SPAG1: variants seen among roughly 807,000 people sequenced by gnomAD.
SPAG1 encodes the protein sperm associated antigen 1, also known as sperm-associated antigen 1.
In SPAG1, 69 loss-of-function variants were observed where a neutral mutation model predicts 100.5. That is an observed-to-expected ratio of 0.69 (90% CI 0.57 to 0.84). SPAG1 has a LOEUF of 0.84. Ranked by LOEUF, SPAG1 falls within the 40% of genes least tolerant of loss-of-function variation. SPAG1 has a pLI of 0.00. For synonymous variants in SPAG1, 336 were observed against 411.6 expected, an observed-to-expected ratio of 0.82 and a Z score of 2.22; for missense variants, 955 against 1,133.1, an observed-to-expected ratio of 0.84 and a Z score of 2.26.
chr8:100,234,983 T>C (rs989784208), intron 16 of SPAG1, among the ~76,000 whole-genome samples: 1 of 152,154 alleles, frequency 6.6e-6, no homozygotes, highest in Non-Finnish European at 1.5e-5. Context: ...AGCAGGTACC[T>C]GAAGGAAAGT....
intron 8 of SPAG1, among the ~76,000 whole-genome samples, chr8:100,189,230 C>T (rs1300147059): frequency 6.6e-6 from 1 of 151,136 alleles, no homozygotes; most frequent in Non-Finnish European, 1.5e-5. Flanking sequence ...AATCCCAGCA[C>T]TTTGGGAGGC....
chr8:100,192,888 T>G (rs542949754), intron 9 of SPAG1, among the ~76,000 whole-genome samples: 16 of 152,226 alleles, frequency 1.1e-4, no homozygotes, highest in African/African-American at 3.6e-4. Context: ...CCTCCCAAAG[T>G]GCTAGGATTA....
chr8:100,188,643 G>C (rs1384403898), intron 8 of SPAG1, among the ~76,000 whole-genome samples: 1 of 152,082 alleles, frequency 6.6e-6, no homozygotes, highest in Non-Finnish European at 1.5e-5. Flanking sequence ...CTCCTTTTCT[G>C]TTATCAAGAA....
chr8:100,213,402 C>T lies in SPAG1; in HGVS notation c.1409C>T (p.Ala470Val), dbSNP rs1586497150. The stretch of plus-strand genomic sequence containing the variant: ...GCCGAGGCGGCCGGCAAGTACTCGG[C>T]GGCAATCGCGCTCCTGGAGCCAGCA... Reference protein sequence around the residue: ...QFAEAAGKYSAAIALLEPAGS... With the variant: ...QFAEAAGKYSVAIALLEPAGS... Residue 470 changes from alanine to valine, a missense_variant, in exon 11 of 19, where the codon GCG becomes GTG. Physicochemically the swap from Ala to Val is moderately conservative, Grantham distance 64 (BLOSUM62 0). Transcript: ENST00000388798. 1.4e-6 allele frequency: 2 copies of T among 1,439,046 alleles called. No individual in the cohort carries two copies. The highest frequency in any genetic ancestry group is 9.1e-7 in the Non-Finnish European group (1 of 1,095,274). The allele number at this position is 1,439,046 out of a possible 1,614,324, so 89.1% of individuals were successfully genotyped here. A position where few individuals can be genotyped will look rare whatever the true frequency, so the allele number is the denominator to read the frequency against.
At chr8:100,203,779 T>C (rs1219123200) in intron 10 of SPAG1, among the ~76,000 whole-genome samples, 2 of 152,188 alleles carry the variant, frequency 1.3e-5, no homozygotes, top group East Asian at 1.9e-4. Flanking sequence ...GCCTCAAATC[T>C]GCCAAGATTG....
rs1817811143 is a variant in SPAG1 at position 100,213,231 on chromosome 8, G to T, written c.1238G>T (p.Gly413Val). The change falls in exon 11 of 19, where the codon GGC (glycine) becomes GTC (valine). Residue 413 changes from glycine (G) to valine (V), a missense_variant. Physicochemically the swap from Gly to Val is moderately radical, Grantham distance 109. Transcript: ENST00000388798. ...CAGCGGGGCCAGACCCCGGAGGCCG[G>T]CGCGGACAAGCGGAGCCCACGGCGG... is the stretch of plus-strand genomic sequence containing the variant. ...APQRGQTPEAGADKRSPRRAS... is the reference protein window; with the variant it reads ...APQRGQTPEAVADKRSPRRAS... 1 of 1,367,944 alleles carries T rather than the reference G, an allele frequency of 7.3e-7. No individual in the cohort carries two copies. Among genetic ancestry groups the T allele is most frequent in the Non-Finnish European group, 9.4e-7 (1 of 1,061,770 alleles). The allele number at this position is 1,367,944 out of a possible 1,614,324, so 84.7% of individuals were successfully genotyped here. A position where few individuals can be genotyped will look rare whatever the true frequency, so the allele number is the denominator to read the frequency against.
intron 10 of SPAG1, among the ~76,000 whole-genome samples, chr8:100,206,442 T>C (rs1415071024): frequency 6.6e-6 from 1 of 152,230 alleles, no homozygotes; most frequent in African/African-American, 2.4e-5. Context: ...TGGCAAGATA[T>C]CACACTGGTA....
intron 12 of SPAG1, among the ~76,000 whole-genome samples, chr8:100,215,825 A>G (rs1817961771): frequency 6.6e-6 from 1 of 152,206 alleles, no homozygotes. Context: ...CGCCCGGCCC[A>G]GTTTATTGAT....
intron 15 of SPAG1, among the ~76,000 whole-genome samples, chr8:100,232,980 A>G (rs114418360): frequency 3.9e-5 from 6 of 152,238 alleles, no homozygotes; most frequent in African/African-American, 9.6e-5. Context: ...CGCTACCTCC[A>G]TCTGAACTTT....
chr8:100,180,941 T>C (rs1168279438), intron 4 of SPAG1, among the ~76,000 whole-genome samples: 3 of 152,186 alleles, frequency 2.0e-5, no homozygotes, highest in South Asian at 4.1e-4. Flanking sequence ...ATTTGGAAAA[T>C]CTGTATAACT....
At chr8:100,230,073 C>G (rs1424088244) in intron 14 of SPAG1, among the ~76,000 whole-genome samples, 2 of 152,176 alleles carry the variant, frequency 1.3e-5, no homozygotes, top group Admixed American at 1.3e-4. Context: ...AGACTCATCC[C>G]TGAACAATTG....
intron 2 of SPAG1, among the ~76,000 whole-genome samples, 187 bp downstream of exon 2, chr8:100,162,607 G>T (rs1009253586): frequency 3.3e-5 from 5 of 152,178 alleles, no homozygotes; most frequent in Admixed American, 1.3e-4. Flanking sequence ...AGCATGAGAC[G>T]CAGGCTAATT....
intron 4 of SPAG1, among the ~76,000 whole-genome samples, chr8:100,179,395 TAAC>T (rs1391400842): frequency 1.3e-5 from 2 of 151,846 alleles, no homozygotes; most frequent in South Asian, 2.1e-4. Context: ...AAAATAATAA[TAAC>T]AATAATAATA....
chr8:100,188,508 C>A (rs1432471952), intron 8 of SPAG1, among the ~76,000 whole-genome samples: 2 of 152,052 alleles, frequency 1.3e-5, no homozygotes, highest in African/African-American at 2.4e-5. Context: ...TAACTTAATT[C>A]TAAATTAAAT....
intron 13 of SPAG1, among the ~76,000 whole-genome samples, chr8:100,223,322 T>C (rs1818362470): frequency 6.6e-6 from 1 of 152,192 alleles, no homozygotes; most frequent in South Asian, 2.1e-4. Flanking sequence ...ATGTTTAACT[T>C]TTTGAAGATT....
intron 12 of SPAG1, among the ~76,000 whole-genome samples, chr8:100,217,325 A>C (rs1404776415): frequency 1.3e-5 from 2 of 152,242 alleles, no homozygotes; most frequent in East Asian, 3.9e-4. Context: ...AAGAGGAGAA[A>C]ATTTTACCTA....
At chr8:100,219,091 A>G (rs550555785) in intron 12 of SPAG1, among the ~76,000 whole-genome samples, 1 of 152,296 alleles carries the variant, frequency 6.6e-6, no homozygotes, top group African/African-American at 2.4e-5. Flanking sequence ...GAACATATTA[A>G]TATTTACCTG....
At chr8:100,229,143 C>T (rs893152599) in intron 14 of SPAG1, among the ~76,000 whole-genome samples, 3 of 151,476 alleles carry the variant, frequency 2.0e-5, no homozygotes, top group Non-Finnish European at 4.4e-5. Context: ...CGTGGTGGCT[C>T]ACGCCTGTAA....
intron 10 of SPAG1, among the ~76,000 whole-genome samples, chr8:100,202,901 C>T (rs967372273): frequency 1.3e-5 from 2 of 151,980 alleles, no homozygotes; most frequent in Non-Finnish European, 2.9e-5. Context: ...TGGCTCATGC[C>T]TGTAATACTA....
Sources: gnomAD v4.1 joint callset for allele counts (sites outside exome capture counted in the v4.1 genomes callset) on GRCh38, gnomAD v4.1.1 for gene constraint, MANE v1.5 for transcripts, NCBI Gene and HGNC (gene_info 2026-07-23, HGNC 2026-07-21) for gene names.